Variants in CD8A observed in about 807,000 individuals in gnomAD.
CD8A encodes the protein CD8 subunit alpha, also known as T-cell surface glycoprotein CD8 alpha chain.
In CD8A, 25 loss-of-function variants were observed where a neutral mutation model predicts 24.2. The observed-to-expected ratio is 1.03, with a 90% CI of 0.75 to 1.44. The LOEUF (loss-of-function observed/expected upper bound fraction) is 1.44, where lower values mean the gene tolerates loss of function less well. CD8A is among the 40% of genes most tolerant of loss of function. CD8A has a pLI of 0.00. For missense variants in CD8A, 360 were observed against 319.7 expected, an observed-to-expected ratio of 1.13 and a Z score of -0.96; for synonymous variants, 165 against 149.9, an observed-to-expected ratio of 1.10 and a Z score of -0.74.
chr2:86,789,778 G>T (rs768847198), intron 2 of CD8A, 28 bp from the exon 3 acceptor site: 3 of 1,294,722 alleles, frequency 2.3e-6, no homozygotes, highest in East Asian at 3.0e-5. Context: ...CGTGGTTGGG[G>T]GCCAGGCTGG....
chr2:86,788,856 G>A (rs1558734568), intron 4 of CD8A, among the ~76,000 whole-genome samples: 2 of 152,130 alleles, frequency 1.3e-5, no homozygotes, highest in African/African-American at 2.4e-5. Flanking sequence ...TACAGACGCG[G>A]GCGAAAGCGG....
In CD8A at chr2:86,807,941, G is replaced by C. The variant is rs557505651; in HGVS notation, c.-753-159C>G. ...GGAACCTAGCACCAACCGCACCGGT[G>C]GAGACAGGGTCTGCTGTAGAGGAGG... On this transcript the variant is annotated intron_variant, in intron 1 of 8. Transcript: ENST00000409511. Among the ~76,000 whole-genome samples, 36 of 152,268 alleles carry C rather than the reference G, an allele frequency of 2.4e-4. No homozygotes were observed. In the South Asian group the frequency reaches 7.3e-3, roughly 31 times the overall value.
intron 5 of CD8A, among the ~76,000 whole-genome samples, chr2:86,786,819 G>A (rs1176560278): frequency 1.3e-5 from 2 of 151,810 alleles, no homozygotes; most frequent in Non-Finnish European, 2.9e-5. Flanking sequence ...AGGAGATCGA[G>A]ACCATCCTGG....
At chr2:86,796,114 G>C (rs1673474952) in intron 3 of CD8A, among the ~76,000 whole-genome samples, 1 of 152,218 alleles carries the variant, frequency 6.6e-6, no homozygotes, top group Admixed American at 6.5e-5. Context: ...CTCTAGGTTG[G>C]ACATAGTTGA....
intron 3 of CD8A, among the ~76,000 whole-genome samples, chr2:86,796,986 T>C (rs1673504423): frequency 6.6e-6 from 1 of 152,230 alleles, no homozygotes; most frequent in Non-Finnish European, 1.5e-5. Context: ...GAGACTGATC[T>C]CCTATCTCCT....
rs568370955 is a variant in CD8A, at chr2:86,790,345, A to G, written c.386T>C (p.Val129Ala). ...GCGCGGACCTGGCAGGAAGACCGGC[A>G]CGAAGTGGCTGAAGTACATGATGGA... ...SNSIMYFSHF[V>A]PVFLPAKPTT... Residue 129 changes from valine to alanine, a missense_variant, in exon 2 of 6, where the codon GTG (valine) becomes GCG (alanine). Transcript: ENST00000283635. The G allele has an allele frequency of 6.2e-7, 1 of 1,613,804 alleles. No homozygotes were observed. Among genetic ancestry groups the G allele is most frequent in the East Asian group, 2.2e-5 (1 of 44,876 alleles).
At chr2:86,794,740 T>A (rs1673425296), upstream of CD8A, among the ~76,000 whole-genome samples, 1 of 152,138 alleles carries the variant, frequency 6.6e-6, no homozygotes, top group South Asian at 2.1e-4. Flanking sequence ...CTTCCTGGTG[T>A]CCCTAGTAGA....
upstream of CD8A, chr2:86,790,920 T>TTCGGCCGGC (rs1224514150): frequency 8.2e-7 from 1 of 1,213,344 alleles, no homozygotes; most frequent in South Asian, 1.3e-5. Flanking sequence ...AGTTGCGCCC[T>TTCGGCCGGC]TCGGCCGGCC....
intron 3 of CD8A, among the ~76,000 whole-genome samples, chr2:86,796,421 A>T (rs1418264220): frequency 1.3e-5 from 2 of 152,230 alleles, no homozygotes; most frequent in Non-Finnish European, 2.9e-5. Context: ...TATAAACATC[A>T]AGAGTAAAGA....
upstream of CD8A, among the ~76,000 whole-genome samples, chr2:86,792,311 G>A (rs1673336244): frequency 6.6e-6 from 1 of 152,094 alleles, no homozygotes; most frequent in East Asian, 1.9e-4. Context: ...AAGACACCTG[G>A]CATTCTGTGT....
rs181102668 is a variant in CD8A at position 86,790,560 on chromosome 2, G to A, written c.171C>T (p.Leu57=). Residue 57 remains leucine, a synonymous_variant, in exon 2 of 6, where the codon CTC becomes CTT. Coordinates refer to ENST00000283635, the MANE Select transcript of CD8A (RefSeq NM_001768.7). ...LSNPTSGCSW[L]FQPRGAAASP... ...TGGCGGCGGCGCCGCGCGGCTGGAA[G>A]AGCCACGAGCAGCCCGACGTCGGGT... The A allele has an allele frequency of 1.3e-3, 2,083 of 1,613,344 alleles. 71 individuals carry two copies. In the Admixed American group the frequency reaches 0.032, roughly 25 times the overall value.
Position 86,785,918 on chromosome 2 carries a change from G to C in CD8A, c.*2C>G. The C allele has an allele frequency of 6.2e-7, 1 of 1,609,740 alleles. No individual in the cohort carries two copies. The highest frequency in any genetic ancestry group is 1.7e-5 in the Admixed American group (1 of 60,018). ...AAGTAATGTAGTGGCTGTTGCACAG[G>C]GTTAGACGTATCTCGCCGAAAGGCT... On this transcript the variant is annotated 3_prime_UTR_variant, in exon 6 of 6. Coordinates refer to ENST00000283635, the MANE Select transcript of CD8A (RefSeq NM_001768.7).
At chr2:86,806,901 T>C (rs1003513252) in intron 2 of CD8A, among the ~76,000 whole-genome samples, 1 of 152,158 alleles carries the variant, frequency 6.6e-6, no homozygotes, top group Non-Finnish European at 1.5e-5. Context: ...ACTACTTTTT[T>C]AAAGTTTCTA....
chr2:86,785,276 T>TAAA lies in CD8A; in HGVS notation c.*641_*643dup, dbSNP rs10628397. 320 of 406,360 alleles carry TAAA rather than the reference T, an allele frequency of 7.9e-4. No homozygotes were observed. The highest frequency in any genetic ancestry group is 3.8e-3 in the African/African-American group (181 of 47,374). The allele number at this position is 406,360 out of a possible 1,614,324, so 25.2% of individuals were successfully genotyped here. On this transcript the variant is annotated 3_prime_UTR_variant, in exon 6 of 6. Coordinates refer to ENST00000283635, the MANE Select transcript of CD8A (RefSeq NM_001768.7). ...GTCTATACAATTTTAGGCTTGATTA[T>TAAA]AAAAAAAAAAAGTCTGATATTGTTT...
intron 5 of CD8A, among the ~76,000 whole-genome samples, chr2:86,788,118 A>G (rs1673098689): frequency 6.6e-6 from 1 of 152,104 alleles, no homozygotes; most frequent in Non-Finnish European, 1.5e-5. Context: ...CCCTCAAAAA[A>G]CTAGACCAGC....
upstream of CD8A, among the ~76,000 whole-genome samples, chr2:86,791,971 G>A (rs1359436969): frequency 2.0e-5 from 3 of 152,126 alleles, no homozygotes; most frequent in Non-Finnish European, 2.9e-5. Flanking sequence ...TGAATGCTTG[G>A]GTAGAGGCGG....
chr2:86,789,556 C>G, intron 3 of CD8A, 84 bp downstream of exon 3: 1 of 1,307,504 alleles, frequency 7.6e-7, no homozygotes, highest in Non-Finnish European at 1.1e-6. Context: ...GCCCTTGACT[C>G]TACCTACAGT....
In CD8A at chr2:86,796,234, T is replaced by A. The variant is rs181546317; in HGVS notation, c.-270-5139A>T. Among the ~76,000 whole-genome samples, 160 of 152,274 alleles carry A rather than the reference T, an allele frequency of 1.1e-3. 1 individual carries two copies. Among genetic ancestry groups the A allele is most frequent in the Middle Eastern group, 0.01 (3 of 294 alleles). On this transcript the variant is annotated intron_variant, in intron 3 of 8. Coordinates refer to the CD8A transcript ENST00000409511. ...AAAGCTGTTGAGATGTATATTAGCATGGTGAAGTGTTTAATAGGATTTCAG... is the reference window on the plus strand; with the variant it reads ...AAAGCTGTTGAGATGTATATTAGCAAGGTGAAGTGTTTAATAGGATTTCAG...
At chr2:86,798,585 C>T (rs1009614349) in intron 3 of CD8A, among the ~76,000 whole-genome samples, 8 of 151,406 alleles carry the variant, frequency 5.3e-5, no homozygotes. Flanking sequence ...TGCAGTGGTG[C>T]GATCTCATCT....
Sources: allele counts gnomAD v4.1 joint callset (sites outside exome capture counted in the v4.1 genomes callset), GRCh38; gene constraint gnomAD v4.1.1; transcripts MANE v1.5; gene names NCBI Gene and HGNC (gene_info 2026-07-23, HGNC 2026-07-21).